The following MARK2 variants were observed in gnomAD, a reference collection of about 807,000 sequenced individuals.
MARK2 encodes the protein microtubule affinity regulating kinase 2.
A neutral mutation model predicts 89.8 loss-of-function variants in MARK2; 16 were observed. The observed-to-expected ratio is 0.18, with a 90% CI of 0.12 to 0.27. The LOEUF is 0.27. MARK2 is among the 10% of genes least tolerant of loss of function. The pLI, the probability that MARK2 is intolerant of heterozygous loss-of-function variation, is 1.00. For missense variants in MARK2, 621 were observed against 1,049.9 expected (o/e 0.59, Z 5.65); for synonymous variants, 382 against 399.5 (o/e 0.96, Z 0.52).
Position 63,893,192 on chromosome 11 carries a change from A to T in MARK2, c.55-1967A>T, listed in dbSNP as rs180894277. ...ACCTCCCAAGATTTCTTAATTTCTT[A>T]ATTTTTTGTAGAGACAGAGTCTCCC... On this transcript the variant is annotated intron_variant, in intron 1 of 18. Transcript: ENST00000402010. 2.9e-4 allele frequency among the ~76,000 whole-genome samples: 43 copies of T among 149,088 alleles called. 1 individual carries two copies. Among genetic ancestry groups the T allele is most frequent in the Admixed American group, 2.5e-3 (37 of 14,830 alleles).
intron 1 of MARK2, among the ~76,000 whole-genome samples, chr11:63,859,502 G>A (rs1305092418): frequency 6.6e-6 from 1 of 151,996 alleles, no homozygotes; most frequent in African/African-American, 2.4e-5. Flanking sequence ...TGTATTTTTA[G>A]TAGAGAAAGG....
At position 63,900,670 on chromosome 11, in the gene MARK2, A is replaced by C; in HGVS notation, c.880A>C (p.Thr294Pro). 6.2e-7 allele frequency: 1 copy of C among 1,614,184 alleles called. No homozygotes were observed. The highest frequency in any genetic ancestry group is 1.7e-5 in the Admixed American group (1 of 60,024). The change falls in exon 9 of 19, where the codon ACT (threonine) becomes CCT (proline). Residue 294 changes from threonine to proline, a missense_variant. Around this residue, in one of 5 missense-constraint regions of MARK2, gnomAD observed 397 missense variants for 567.8 expected, o/e 0.70. Transcript: ENST00000402010. This position sits in a 1 kb window ranked among gnomAD's most constrained non-coding sequence, Gnocchi z 4.7. Reference sequence around the variant, plus strand: ...CATTCTTAATCCCAGCAAGAGAGGCACTTTAGAGGTGAGCAGTGGAGCCCA... The same window carrying C: ...CATTCTTAATCCCAGCAAGAGAGGCCCTTTAGAGGTGAGCAGTGGAGCCCA... ...FLILNPSKRG[T>P]LEQIMKDRWM...
intron 1 of MARK2, among the ~76,000 whole-genome samples, chr11:63,861,202 A>G (rs968440914): frequency 2.0e-5 from 3 of 152,072 alleles, no homozygotes; most frequent in Admixed American, 6.6e-5. Flanking sequence ...TAGGGAGGCT[A>G]AGGCGGGCGG....
chr11:63,874,614 C>T (rs1591024695), intron 1 of MARK2, among the ~76,000 whole-genome samples: 3 of 152,246 alleles, frequency 2.0e-5, no homozygotes, highest in African/African-American at 4.8e-5. Context: ...AATTTCTTGG[C>T]GGGAGGCCTC....
Position 63,909,045 on chromosome 11 carries a change from C to A in MARK2, c.2175C>A (p.Ser725Arg), listed in dbSNP as rs320106. 1.6e-5 allele frequency: 26 copies of A among 1,601,346 alleles called. No individual in the cohort carries two copies. Among genetic ancestry groups the A allele is most frequent in the Non-Finnish European group, 2.0e-5 (23 of 1,169,532 alleles). ...RKVLDANSCQ[S>R]ELHEKYMLLC... ...TGCTGGACGCGAACAGCTGCCAGAG[C>A]GAGCTGCATGAGAAGTACATGCTGC... Residue 725 changes from serine (S) to arginine (R), a missense_variant, in exon 19 of 19, where the codon AGC (serine) becomes AGA (arginine). By Grantham distance (110) the Ser-to-Arg change is moderately radical (BLOSUM62 -1). Transcript: ENST00000402010.
At chr11:63,905,972 G>A (rs1242124908) in intron 16 of MARK2, 116 bp from the exon 17 acceptor site, 3 of 793,776 alleles carry the variant, frequency 3.8e-6, no homozygotes, top group East Asian at 6.6e-5. Context: ...TTCCGAAAAT[G>A]GGATGACCCT....
In MARK2 at chr11:63,904,655, C is replaced by T; in HGVS notation, c.1677-131C>T. The T allele has an allele frequency of 1.3e-6, 1 of 747,946 alleles. No homozygotes were observed. The highest frequency in any genetic ancestry group is 1.6e-5 in the South Asian group (1 of 63,620). 46.3% of individuals were successfully genotyped at this position (747,946 alleles called of 1,614,324 possible). ...GTCCTCAGTAGTCACACCCTTCCTTCTGTGTCCTCGTGATGGCTGCCTCTG... is the reference window on the plus strand; with the variant it reads ...GTCCTCAGTAGTCACACCCTTCCTTTTGTGTCCTCGTGATGGCTGCCTCTG... On this transcript the variant is annotated intron_variant, in intron 15 of 18. Coordinates refer to ENST00000402010, the MANE Select transcript of MARK2 (RefSeq NM_001039469.3). This position sits in a 1 kb window ranked among gnomAD's most constrained non-coding sequence, Gnocchi z 6.3.
chr11:63,855,733 C>G (rs1303857643), intron 1 of MARK2, among the ~76,000 whole-genome samples: 1 of 152,078 alleles, frequency 6.6e-6, no homozygotes, highest in Non-Finnish European at 1.5e-5. Context: ...GTGAGATTTT[C>G]TTCATATGTT....
intron 1 of MARK2, among the ~76,000 whole-genome samples, chr11:63,882,847 G>A (rs1939178327): frequency 6.6e-6 from 1 of 152,170 alleles, no homozygotes; most frequent in South Asian, 2.1e-4. Flanking sequence ...ACTAGGCAAA[G>A]AAAACGAGGT....
At chr11:63,854,082 G>A (rs189013075) in intron 1 of MARK2, among the ~76,000 whole-genome samples, 61 of 151,380 alleles carry the variant, frequency 4.0e-4, no homozygotes, top group Middle Eastern at 3.4e-3. Context: ...CACGTTGGCC[G>A]GGCTGGTCTG....
At chr11:63,875,780 G>A (rs544075133) in intron 1 of MARK2, among the ~76,000 whole-genome samples, 49 of 152,316 alleles carry the variant, frequency 3.2e-4, no homozygotes, top group Admixed American at 1.1e-3. Flanking sequence ...GGGCCTGGCC[G>A]CCAGAGAGGC....
chr11:63,870,027 G>A (rs1938357951), intron 1 of MARK2, among the ~76,000 whole-genome samples: 2 of 152,234 alleles, frequency 1.3e-5, no homozygotes, highest in South Asian at 4.1e-4. Context: ...GCAGAGCTGG[G>A]TCTAGAATGG....
At chr11:63,906,700 G>T (rs1004732057) in intron 17 of MARK2, among the ~76,000 whole-genome samples, 1 of 152,000 alleles carries the variant, frequency 6.6e-6, no homozygotes, top group Non-Finnish European at 1.5e-5. Context: ...GAGACACTAC[G>T]GGGACCCTGG....
chr11:63,879,760 T>C (rs1043647656), intron 1 of MARK2, among the ~76,000 whole-genome samples: 3 of 152,054 alleles, frequency 2.0e-5, no homozygotes, highest in Non-Finnish European at 2.9e-5. Flanking sequence ...GTGACAGCCT[T>C]GGGGTGGTTT....
In MARK2 at chr11:63,906,107, G is replaced by A; in HGVS notation, c.1954G>A (p.Ala652Thr). Residue 652 changes from alanine (A) to threonine (T), a missense_variant, in exon 17 of 19, where the codon GCC (alanine) becomes ACC (threonine). Ala to Thr is a moderately conservative substitution (Grantham distance 58). Transcript: ENST00000402010. ...FVRRNLSFRF[A>T]RRNLNEPESK... ...TTTTAGAAATCTGTCTTTCAGGTTT[G>A]CCAGAAGGTAGGCGTTGAGCCCGCT... The A allele has an allele frequency of 7.5e-7, 1 of 1,334,636 alleles. No homozygotes were observed. 82.7% of individuals were successfully genotyped at this position (1,334,636 alleles called of 1,614,324 possible). A position where few individuals can be genotyped will look rare whatever the true frequency, so the allele number is the denominator to read the frequency against.
intron 1 of MARK2, 132 bp from the exon 2 acceptor site, chr11:63,895,015 TTCTTCTGCTGCC>T: frequency 1.6e-6 from 1 of 632,524 alleles, no homozygotes; most frequent in Admixed American, 3.0e-5. Context: ...CCCCTCTCCT[TTCTTCTGCTGCC>T]ATATCATTCT....
At chr11:63,895,370 C>T (rs753704695) in intron 2 of MARK2, 32 bp downstream of exon 2, 1 of 1,600,484 alleles carries the variant, frequency 6.2e-7, no homozygotes. Flanking sequence ...ATGGCAGCAC[C>T]TCCCAGCCCT....
intron 1 of MARK2, among the ~76,000 whole-genome samples, chr11:63,847,032 AG>A (rs1484412967): frequency 6.6e-6 from 1 of 152,170 alleles, no homozygotes; most frequent in Non-Finnish European, 1.5e-5. Context: ...CTGAGATGTG[AG>A]GATCACTTGA....
At chr11:63,854,029 C>T (rs185534023) in intron 1 of MARK2, among the ~76,000 whole-genome samples, 3 of 151,578 alleles carry the variant, frequency 2.0e-5, no homozygotes, top group East Asian at 1.9e-4. Flanking sequence ...CCTGCCACCA[C>T]GCCTGGCTAA....
Sources: gnomAD v4.1 joint callset for allele counts (sites outside exome capture counted in the v4.1 genomes callset) on GRCh38, gnomAD v4.1.1 for gene constraint, gnomAD v4.1.1 regional missense constraint, Gnocchi (gnomAD v3.1) non-coding constraint, MANE v1.5 for transcripts, NCBI Gene and HGNC (gene_info 2026-07-23, HGNC 2026-07-21) for gene names.